Variants in ULK2 observed in about 807,000 individuals in gnomAD.
ULK2 encodes unc-51 like autophagy activating kinase 2.
ULK2 carries 76 observed loss-of-function variants against 127.5 expected under a neutral mutation model. The observed-to-expected ratio is 0.60, with a 90% CI of 0.50 to 0.72. ULK2 has a LOEUF of 0.72. ULK2 is among the 30% of genes least tolerant of loss of function. The probability of loss-of-function intolerance (pLI) is 0.00; values close to 1 mark genes in which losing one functional copy is unlikely to be tolerated. For synonymous variants in ULK2, 452 were observed against 461.9 expected (o/e 0.98, Z 0.28); for missense variants, 1,144 against 1,295.9 (o/e 0.88, Z 1.80).
At chr17:19,814,439 T>TATATATATATATATATA (rs1491246393) in intron 13 of ULK2, among the ~76,000 whole-genome samples, 1 of 10,004 alleles carries the variant, frequency 1.0e-4, no homozygotes, top group East Asian at 1.0e-3. Context: ...TATATATATA[T>TATATATATATATATATA]TTTTTTTTTT....
chr17:19,816,388 C>A (rs1383999184), intron 13 of ULK2: 1 of 156,052 alleles, frequency 6.4e-6, no homozygotes, highest in Admixed American at 6.5e-5. Flanking sequence ...GAAGGACGTT[C>A]AGATTGTTTA....
At position 19,801,903 on chromosome 17, in the gene ULK2, A is replaced by T; in HGVS notation, c.1315T>A (p.Ser439Thr). 1 of 1,609,434 alleles carries T rather than the reference A, an allele frequency of 6.2e-7. No homozygotes were observed. Among genetic ancestry groups the T allele is most frequent in the Non-Finnish European group, 8.5e-7 (1 of 1,178,924 alleles). ...AGGAAGCCCATGGGGCTGGTGTTGG[A>T]CCTTCGTACCACTGCAGATCTGAAA... ...GSPRSAVVRR[S>T]NTSPMGFLRP... Residue 439 changes from serine (S) to threonine (T), a missense_variant, in exon 16 of 27, where the codon TCC (serine) becomes ACC (threonine). Physicochemically the swap from Ser to Thr is moderately conservative, Grantham distance 58. Coordinates refer to ENST00000395544, the MANE Select transcript of ULK2 (RefSeq NM_014683.4).
At chr17:19,783,301 A>T (rs1009797810) in intron 22 of ULK2, among the ~76,000 whole-genome samples, 8 of 151,948 alleles carry the variant, frequency 5.3e-5, no homozygotes, top group Admixed American at 3.9e-4. Flanking sequence ...AAATACAAAA[A>T]TTAGCCGGGC....
chr17:19,778,870 C>T (rs554950472), intron 25 of ULK2, among the ~76,000 whole-genome samples: 1 of 152,246 alleles, frequency 6.6e-6, no homozygotes, highest in African/African-American at 2.4e-5. Flanking sequence ...AGTGTTAATG[C>T]CTCTAAGCTC....
chr17:19,804,257 A>G (rs1240337691), intron 15 of ULK2, among the ~76,000 whole-genome samples: 6 of 151,844 alleles, frequency 4.0e-5, no homozygotes, highest in Non-Finnish European at 8.8e-5. Context: ...AGAATAATCT[A>G]TTCTTATTTC....
rs2086780173 is a variant in ULK2 at position 19,774,407 on chromosome 17, T to C, written c.*1942A>G. ...TAGTTCCTGACTTTAGGCCAATCAC[T>C]TCCCCTCTCTGAACCTGTTTCATCC... On this transcript the variant is annotated 3_prime_UTR_variant, in exon 27 of 27. Transcript: ENST00000395544. 1 of 152,172 alleles carries C rather than the reference T, an allele frequency of 6.6e-6. No homozygotes were observed. The highest frequency in any genetic ancestry group is 1.5e-5 in the Non-Finnish European group (1 of 68,038). The allele number at this position is 152,172 out of a possible 1,614,324, so 9.4% of individuals were successfully genotyped here.
intron 17 of ULK2, among the ~76,000 whole-genome samples, chr17:19,797,991 T>C (rs558407854): frequency 6.6e-6 from 1 of 152,262 alleles, no homozygotes; most frequent in Non-Finnish European, 1.5e-5. Flanking sequence ...ATATCGTTAA[T>C]GATTAAAGTT....
chr17:19,810,229 CAAAA>C, intron 14 of ULK2, 145 bp downstream of exon 14: 6 of 350,214 alleles, frequency 1.7e-5, no homozygotes, highest in South Asian at 1.0e-4. Flanking sequence ...GACTCCATCT[CAAAA>C]AAAAAAAAAA....
chr17:19,866,845 A>AG (rs1194446972), intron 1 of ULK2, among the ~76,000 whole-genome samples: 1 of 152,148 alleles, frequency 6.6e-6, no homozygotes, highest in East Asian at 1.9e-4. Flanking sequence ...TTCGGGGTGC[A>AG]GGGGACCAGT....
intron 6 of ULK2, among the ~76,000 whole-genome samples, chr17:19,845,882 G>A (rs561801567): frequency 6.6e-6 from 1 of 152,252 alleles, no homozygotes; most frequent in South Asian, 2.1e-4. Flanking sequence ...GCTGAGGTGG[G>A]CAGATCACCT....
At chr17:19,807,974 C>T (rs1173275995) in intron 14 of ULK2, among the ~76,000 whole-genome samples, 1 of 152,086 alleles carries the variant, frequency 6.6e-6, no homozygotes, top group Non-Finnish European at 1.5e-5. Context: ...GGCGTGGTGG[C>T]GGGTACCTGT....
intron 13 of ULK2, among the ~76,000 whole-genome samples, chr17:19,812,707 T>C (rs1289642689): frequency 6.6e-6 from 1 of 152,254 alleles, no homozygotes; most frequent in Non-Finnish European, 1.5e-5. Context: ...GGATGGTTTC[T>C]ACTGAATGCA....
In ULK2 at chr17:19,866,325, C is replaced by T. The variant is rs573956940; in HGVS notation, c.91-497G>A. Among the ~76,000 whole-genome samples, 5 of 151,524 alleles carry T rather than the reference C, an allele frequency of 3.3e-5. No individual in the cohort carries two copies. The East Asian group carries it at 9.7e-4, about 29-fold the overall frequency. ...GACCACACTGGCCAACGTGGTGAAA[C>T]CCCATCTCTACTAAAAATACAAAAA... is the stretch of plus-strand genomic sequence containing the variant. On this transcript the variant is annotated intron_variant, in intron 1 of 26. Coordinates refer to ENST00000395544, the MANE Select transcript of ULK2 (RefSeq NM_014683.4).
chr17:19,835,634 A>G (rs1183698288), intron 10 of ULK2, among the ~76,000 whole-genome samples: 3 of 150,646 alleles, frequency 2.0e-5, no homozygotes, highest in South Asian at 4.2e-4. Flanking sequence ...GGAGAATGGC[A>G]TGAACCCAGG....
intron 11 of ULK2, among the ~76,000 whole-genome samples, chr17:19,825,465 T>C (rs554333244): frequency 2.0e-5 from 3 of 152,148 alleles, no homozygotes; most frequent in Non-Finnish European, 4.4e-5. Flanking sequence ...ATCCCAACAC[T>C]TTGGGAGGCT....
In ULK2 at chr17:19,773,539, A is replaced by G. The variant is rs1177835541; in HGVS notation, c.*2810T>C. On this transcript the variant is annotated 3_prime_UTR_variant, in exon 27 of 27. Coordinates refer to ENST00000395544, the MANE Select transcript of ULK2 (RefSeq NM_014683.4). ...ACTAGAGGTTGTTTCTCTCAACTAA[A>G]GTTATCAAAATTGGGTGTTGTAATT... The G allele has an allele frequency of 6.6e-6, 1 of 152,216 alleles. No individual in the cohort carries two copies. Among genetic ancestry groups the G allele is most frequent in the Non-Finnish European group, 1.5e-5 (1 of 68,040 alleles). The allele number at this position is 152,216 out of a possible 1,614,324, so 9.4% of individuals were successfully genotyped here.
At chr17:19,783,646 T>G in intron 22 of ULK2, 51 bp downstream of exon 22, 2 of 1,359,212 alleles carry the variant, frequency 1.5e-6, no homozygotes, top group Non-Finnish European at 1.9e-6. Context: ...CACTAGAATG[T>G]TCTCATATCA....
intron 23 of ULK2, 108 bp from the exon 24 acceptor site, chr17:19,781,212 T>A: frequency 2.8e-6 from 2 of 716,398 alleles, no homozygotes; most frequent in Non-Finnish European, 4.5e-6. Flanking sequence ...AGGAATAGCA[T>A]CCTCTTTGAT....
intron 10 of ULK2, among the ~76,000 whole-genome samples, chr17:19,835,560 C>A (rs1256402249): frequency 2.0e-5 from 3 of 149,606 alleles, no homozygotes; most frequent in African/African-American, 7.4e-5. Context: ...ACTAAAAATA[C>A]AAAAAAATTA....
Sources: allele counts gnomAD v4.1 joint callset (sites outside exome capture counted in the v4.1 genomes callset), GRCh38; gene constraint gnomAD v4.1.1; transcripts MANE v1.5; gene names NCBI Gene and HGNC (gene_info 2026-07-23, HGNC 2026-07-21).